Variants in CAST observed in about 807,000 individuals in gnomAD.
The protein encoded by CAST is MIR583 host.
A neutral mutation model predicts 119.6 loss-of-function variants in CAST; 76 were observed. The observed-to-expected ratio is 0.64, with a 90% confidence interval of 0.53 to 0.77. The LOEUF (loss-of-function observed/expected upper bound fraction) is 0.77. Among genes scored for constraint, CAST ranks in the 30% least tolerant of loss-of-function variants. The pLI, the probability that CAST is intolerant of heterozygous loss-of-function variation, is 0.00. For synonymous variants in CAST, 319 were observed against 331.6 expected (o/e 0.96, Z 0.41); for missense variants, 953 against 946.5 (o/e 1.01, Z -0.09).
At chr5:96,143,841 AAAAC>A in the CAST span, among the ~76,000 whole-genome samples, 1,245 of 152,348 alleles carry the variant, frequency 8.2e-3, 11 homozygotes, top group Middle Eastern at 0.034. Context: ...GATGATGTGA[AAAAC>A]AAAGATTTGA....
At chr5:96,713,286 C>A (rs1379472634) in intron 3 of CAST, among the ~76,000 whole-genome samples, 1 of 152,024 alleles carries the variant, frequency 6.6e-6, no homozygotes, top group African/African-American at 2.4e-5. Flanking sequence ...CACGTGCCAC[C>A]ATGCCCAGCT....
intron 3 of CAST, among the ~76,000 whole-genome samples, chr5:96,721,530 C>T (rs1758261977): frequency 6.6e-6 from 1 of 152,076 alleles, no homozygotes; most frequent in South Asian, 2.1e-4. Context: ...CTGGACCAGG[C>T]ATTAGGGACA....
chr5:96,113,995 C>T, the CAST span, among the ~76,000 whole-genome samples: 1 of 152,168 alleles, frequency 6.6e-6, no homozygotes, highest in East Asian at 1.9e-4. Context: ...CTAGCCTGAC[C>T]TCTTAGGCTC....
At chr5:96,338,090 T>C in the CAST span, among the ~76,000 whole-genome samples, 1 of 152,314 alleles carries the variant, frequency 6.6e-6, no homozygotes, top group East Asian at 1.9e-4. Context: ...ACTAACAGTG[T>C]CCATGTTTTT....
At chr5:96,408,935 G>C in the CAST span, among the ~76,000 whole-genome samples, 2 of 152,240 alleles carry the variant, frequency 1.3e-5, no homozygotes, top group Non-Finnish European at 2.9e-5. Context: ...GCTGGACTTA[G>C]TTCTGGGTTC....
chr5:96,333,857 T>G, the CAST span, among the ~76,000 whole-genome samples: 1 of 152,160 alleles, frequency 6.6e-6, no homozygotes, highest in African/African-American at 2.4e-5. Context: ...CTGAGCTTCA[T>G]TTATTCTGAT....
the CAST span, among the ~76,000 whole-genome samples, chr5:96,103,282 C>T: frequency 6.6e-6 from 1 of 151,334 alleles, no homozygotes; most frequent in African/African-American, 2.4e-5. Context: ...ATGTGCCATG[C>T]TGGTGTGCTG....
the CAST span, among the ~76,000 whole-genome samples, chr5:96,196,647 G>A: frequency 6.6e-6 from 1 of 152,084 alleles, no homozygotes; most frequent in Non-Finnish European, 1.5e-5. Context: ...AACCAGCTGG[G>A]GAATGAAAGA....
chr5:96,647,783 G>C (rs1748036136), intron 1 of CAST, among the ~76,000 whole-genome samples: 1 of 152,180 alleles, frequency 6.6e-6, no homozygotes, highest in South Asian at 2.1e-4. Context: ...TTCAGAAAGA[G>C]CATGGCCCTG....
At chr5:96,624,812 A>G (rs560811931) in intron 1 of CAST, among the ~76,000 whole-genome samples, 3 of 152,362 alleles carry the variant, frequency 2.0e-5, no homozygotes, top group African/African-American at 7.2e-5. Flanking sequence ...GCCATTTAAT[A>G]AGCAAATATT....
At chr5:96,411,116 C>T in the CAST span, 6 of 772,242 alleles carry the variant, frequency 7.8e-6, no homozygotes, top group Non-Finnish European at 1.1e-5. Flanking sequence ...ATTTTCAATT[C>T]CAGATCTTTT....
At chr5:96,395,551 C>T in the CAST span, among the ~76,000 whole-genome samples, 1 of 152,110 alleles carries the variant, frequency 6.6e-6, no homozygotes, top group Non-Finnish European at 1.5e-5. Context: ...AACAGAAAAC[C>T]AAACACTGAA....
In CAST at chr5:96,766,180, C is replaced by T. The variant is rs1049920005; in HGVS notation, c.2130+35C>T. 9 of 1,144,186 alleles carry T rather than the reference C, an allele frequency of 7.9e-6. No homozygotes were observed. The African/African-American group carries it at 1.2e-4, about 16-fold the overall frequency. 70.9% of individuals were successfully genotyped at this position (1,144,186 alleles called of 1,614,324 possible). ...GGCAAATTGCTAGATCGGATTTATG[C>T]TACCAAGATCTTTAAATTCAAACCT... On this transcript the variant is annotated intron_variant, in intron 27 of 31. Coordinates refer to ENST00000675179, the MANE Select transcript of CAST (RefSeq NM_001750.7).
At chr5:96,642,335 G>T (rs1427018058) in intron 1 of CAST, among the ~76,000 whole-genome samples, 2 of 152,124 alleles carry the variant, frequency 1.3e-5, no homozygotes, top group Non-Finnish European at 2.9e-5. Flanking sequence ...AAATGGATAA[G>T]GACACATTAT....
At chr5:96,729,787 CT>C in intron 8 of CAST, 62 bp downstream of exon 8, 1 of 763,908 alleles carries the variant, frequency 1.3e-6, no homozygotes, top group Non-Finnish European at 2.4e-6. Context: ...TACGGTTCCC[CT>C]GTTCACACTG....
intron 9 of CAST, among the ~76,000 whole-genome samples, chr5:96,732,733 T>C (rs1425937093): frequency 1.3e-5 from 2 of 152,068 alleles, no homozygotes; most frequent in African/African-American, 4.8e-5. Context: ...GCTAGCCATA[T>C]GTAGAAAGCT....
chr5:96,212,252 T>C, the CAST span, among the ~76,000 whole-genome samples: 2 of 152,192 alleles, frequency 1.3e-5, no homozygotes, highest in Admixed American at 6.5e-5. Context: ...TCTGTTCTAA[T>C]GTAAGCATTT....
chr5:96,536,989 TATA>T (rs1745828291), intron 1 of CAST, among the ~76,000 whole-genome samples: 1 of 152,238 alleles, frequency 6.6e-6, no homozygotes, highest in Admixed American at 6.5e-5. Context: ...CTAATTCTCT[TATA>T]ATTTGAATCT....
the CAST span, among the ~76,000 whole-genome samples, chr5:96,348,187 G>A: frequency 0.025 from 3,745 of 152,180 alleles, 152 homozygotes; most frequent in African/African-American, 0.085. Context: ...CCAGGAGCCA[G>A]ATTTAGAGTA....
Sources: allele counts gnomAD v4.1 joint callset (sites outside exome capture counted in the v4.1 genomes callset), GRCh38; gene constraint gnomAD v4.1.1; transcripts MANE v1.5; gene names NCBI Gene and HGNC (gene_info 2026-07-23, HGNC 2026-07-21).